CHN1: variants seen among roughly 807,000 people sequenced by gnomAD.
CHN1 encodes N-chimaerin.
CHN1 carries 37 observed loss-of-function variants against 59.5 expected under a neutral mutation model. That is an observed-to-expected ratio of 0.62 (90% CI 0.48 to 0.82). The LOEUF (loss-of-function observed/expected upper bound fraction) is 0.82, where lower values mean the gene tolerates loss of function less well. Ranked by LOEUF, CHN1 falls within the 40% of genes least tolerant of loss-of-function variation. The probability of loss-of-function intolerance (pLI) is 0.00; values close to 1 mark genes in which losing one functional copy is unlikely to be tolerated. For missense variants in CHN1, 469 were observed against 571.0 expected, an observed-to-expected ratio of 0.82 and a Z score of 1.82; for synonymous variants, 206 against 200.4, an observed-to-expected ratio of 1.03 and a Z score of -0.24.
At chr2:174,857,497 T>C (rs908580706) in intron 6 of CHN1, among the ~76,000 whole-genome samples, 2 of 152,128 alleles carry the variant, frequency 1.3e-5, no homozygotes, top group South Asian at 2.1e-4. Flanking sequence ...AAACGGAACA[T>C]GTCCTTATTC....
At chr2:174,941,526 C>A (rs974673947) in intron 3 of CHN1, among the ~76,000 whole-genome samples, 4 of 152,120 alleles carry the variant, frequency 2.6e-5, no homozygotes, top group Admixed American at 2.0e-4. Flanking sequence ...AAAATTATTT[C>A]TTTGCTCTAT....
chr2:174,971,134 C>T (rs1157096034), intron 1 of CHN1, among the ~76,000 whole-genome samples: 1 of 152,064 alleles, frequency 6.6e-6, no homozygotes, highest in Non-Finnish European at 1.5e-5. Flanking sequence ...CTGGCTAACA[C>T]GGTGAAACCC....
chr2:174,918,430 C>T, intron 4 of CHN1, 104 bp downstream of exon 4: 2 of 828,194 alleles, frequency 2.4e-6, no homozygotes, highest in Non-Finnish European at 3.5e-6. Flanking sequence ...TGCAACTCCA[C>T]CAAACTTGAA....
intron 1 of CHN1, among the ~76,000 whole-genome samples, chr2:174,963,765 G>A (rs1690499562): frequency 6.6e-6 from 1 of 152,146 alleles, no homozygotes; most frequent in Admixed American, 6.5e-5. Context: ...GTCGGAGAAA[G>A]CAAACCAGGC....
chr2:174,996,332 T>C (rs1341739665), intron 1 of CHN1, among the ~76,000 whole-genome samples: 2 of 152,186 alleles, frequency 1.3e-5, no homozygotes, highest in Non-Finnish European at 2.9e-5. Context: ...AGTAGAAATA[T>C]TACAAAACCA....
chr2:174,985,556 AG>A (rs1243170277), intron 1 of CHN1, among the ~76,000 whole-genome samples: 1 of 152,242 alleles, frequency 6.6e-6, no homozygotes, highest in African/African-American at 2.4e-5. Flanking sequence ...TAAGATGTCT[AG>A]AAATGAGACA....
chr2:174,799,487 A>G lies in CHN1; in HGVS notation c.*629T>C. On this transcript the variant is annotated 3_prime_UTR_variant, in exon 13 of 13. Transcript: ENST00000409900. The stretch of plus-strand genomic sequence containing the variant: ...CTGAAAACCAATAATAATTTAACAG[A>G]AAATGCTGTGTTGTACACTTTTTAT... The G allele has an allele frequency of 2.0e-6, 1 of 489,602 alleles. No homozygotes were observed. Among genetic ancestry groups the G allele is most frequent in the Admixed American group, 2.5e-5 (1 of 40,424 alleles). 30.3% of individuals were successfully genotyped at this position (489,602 alleles called of 1,614,324 possible).
chr2:174,850,382 T>A (rs1473411399), intron 6 of CHN1, among the ~76,000 whole-genome samples: 1 of 152,168 alleles, frequency 6.6e-6, no homozygotes, highest in Non-Finnish European at 1.5e-5. Context: ...TGTGGTATAA[T>A]GAAGAAAATA....
At chr2:174,925,669 T>C (rs73973650) in intron 3 of CHN1, among the ~76,000 whole-genome samples, 1,655 of 152,376 alleles carry the variant, frequency 0.011, 41 homozygotes, top group African/African-American at 0.038. Flanking sequence ...CAAGCATTTC[T>C]TTCTACCGAC....
At chr2:174,860,777 C>A (rs1687045845) in intron 6 of CHN1, among the ~76,000 whole-genome samples, 1 of 151,992 alleles carries the variant, frequency 6.6e-6, no homozygotes. Flanking sequence ...TATGACCATG[C>A]CCTCCTTCCA....
In CHN1 at chr2:174,929,615, C is replaced by T. The variant is rs144890370; in HGVS notation, c.115-11050G>A. ...GAAAAATATTTGAGAAAACCCTTTG[C>T]GAAAAACTCAGCTTCTTAAGATTAG... On this transcript the variant is annotated intron_variant, in intron 3 of 12. Transcript: ENST00000409900. 7.8e-4 allele frequency among the ~76,000 whole-genome samples: 119 copies of T among 151,734 alleles called. 1 individual carries two copies. Among genetic ancestry groups the T allele is most frequent in the Admixed American group, 1.6e-3 (24 of 15,230 alleles).
intron 8 of CHN1, 147 bp from the exon 9 acceptor site, chr2:174,812,629 C>T: frequency 1.5e-6 from 1 of 658,480 alleles, no homozygotes; most frequent in South Asian, 2.3e-5. Flanking sequence ...GGTGGAAAAA[C>T]AATAATTTTC....
intron 2 of CHN1, chr2:174,945,227 T>C (rs1474605497): frequency 1.1e-5 from 5 of 472,142 alleles, no homozygotes; most frequent in Middle Eastern, 7.5e-4. Flanking sequence ...GGTCATTTAT[T>C]TTCCCCAGTT....
chr2:174,817,456 A>T (rs143643656), intron 8 of CHN1, among the ~76,000 whole-genome samples: 936 of 150,440 alleles, frequency 6.2e-3, no homozygotes, highest in Middle Eastern at 0.017. Flanking sequence ...GTTTGGAGTC[A>T]TCCCCCAATT....
At chr2:174,915,899 A>C (rs1207479356) in intron 4 of CHN1, among the ~76,000 whole-genome samples, 1 of 152,248 alleles carries the variant, frequency 6.6e-6, no homozygotes. Context: ...ATAGCGATTT[A>C]CAATTTACAA....
intron 6 of CHN1, among the ~76,000 whole-genome samples, chr2:174,876,480 T>C (rs2105332294): frequency 6.6e-6 from 1 of 152,244 alleles, no homozygotes; most frequent in South Asian, 2.1e-4. Context: ...AACTAGACCA[T>C]GAAAAGAATA....
intron 7 of CHN1, among the ~76,000 whole-genome samples, chr2:174,830,618 A>G (rs915653405): frequency 1.3e-5 from 2 of 152,234 alleles, no homozygotes; most frequent in African/African-American, 2.4e-5. Flanking sequence ...ATTGATGACC[A>G]TGGCAGGAAA....
intron 5 of CHN1, among the ~76,000 whole-genome samples, chr2:174,880,751 T>A (rs1030276448): frequency 1.3e-5 from 2 of 152,064 alleles, no homozygotes; most frequent in Non-Finnish European, 2.9e-5. Context: ...GTGCTAAATT[T>A]AAAAAAGTCT....
chr2:174,828,007 G>A (rs926376824), intron 7 of CHN1, among the ~76,000 whole-genome samples: 2 of 152,212 alleles, frequency 1.3e-5, no homozygotes, highest in Non-Finnish European at 1.5e-5. Flanking sequence ...ATCCAGGGCA[G>A]AGCAATTAGC....
Sources: gnomAD v4.1 joint callset for allele counts (sites outside exome capture counted in the v4.1 genomes callset) on GRCh38, gnomAD v4.1.1 for gene constraint, MANE v1.5 for transcripts, NCBI Gene and HGNC (gene_info 2026-07-23, HGNC 2026-07-21) for gene names.